The following DCHS2 variants were observed in gnomAD, a reference collection of about 807,000 sequenced individuals.
DCHS2 encodes the protein dachsous cadherin-related 2, also known as protocadherin-23.
DCHS2 carries 142 observed loss-of-function variants against 182.4 expected under a neutral mutation model. The ratio of observed to expected loss-of-function variants is 0.78; its 90% confidence interval spans 0.68 to 0.89. DCHS2 has a LOEUF of 0.89. DCHS2 is among the 40% of genes least tolerant of loss of function. The pLI, the probability that DCHS2 is intolerant of heterozygous loss-of-function variation, is 0.00. For missense variants in DCHS2, 4,319 were observed against 4,198.6 expected, an observed-to-expected ratio of 1.03 and a Z score of -0.79; for synonymous variants, 1,740 against 1,663.3, an observed-to-expected ratio of 1.05 and a Z score of -1.12.
At chr4:154,484,434 G>T (rs149396876) in intron 1 of DCHS2, among the ~76,000 whole-genome samples, 1 of 151,984 alleles carries the variant, frequency 6.6e-6, no homozygotes, top group South Asian at 2.1e-4. Context: ...CAAGCTCTGC[G>T]CAAACACTGA....
chr4:154,295,909 T>C (rs1365657429), intron 13 of DCHS2, among the ~76,000 whole-genome samples: 1 of 151,930 alleles, frequency 6.6e-6, no homozygotes, highest in Non-Finnish European at 1.5e-5. Context: ...GGAAGAAGGG[T>C]TTTTCCTTCA....
chr4:154,435,501 C>T lies in DCHS2; in HGVS notation c.2052+53803G>A, dbSNP rs190230709. Among the ~76,000 whole-genome samples the T allele has an allele frequency of 9.2e-4, 140 of 151,602 alleles. 1 individual carries two copies. The highest frequency in any genetic ancestry group is 1.7e-3 in the Admixed American group (26 of 15,210). ...GTCCCAGCTACTCGGGAGGCTGAGG[C>T]AGGAGAATGGTGTGAACCCGGGAGG... On this transcript the variant is annotated intron_variant, in intron 1 of 19. Coordinates refer to ENST00000357232, the MANE Select transcript of DCHS2 (RefSeq NM_001358235.2).
Position 154,416,021 on chromosome 4 carries a change from T to C in DCHS2, c.2053-38577A>G, listed in dbSNP as rs935608755. 2.0e-5 allele frequency among the ~76,000 whole-genome samples: 3 copies of C among 152,246 alleles called. No homozygotes were observed. The South Asian group carries it at 6.2e-4, about 32-fold the overall frequency. ...CTGTATACAAAATTCTTGCACGTGGTTTATAAGGAAATAAACATATACTGG... is the reference window on the plus strand; with the variant it reads ...CTGTATACAAAATTCTTGCACGTGGCTTATAAGGAAATAAACATATACTGG... On this transcript the variant is annotated intron_variant, in intron 1 of 19. Transcript: ENST00000357232.
rs765655550 is a variant in DCHS2, at chr4:154,320,832, C to T, written c.4567G>A (p.Val1523Ile). The T allele has an allele frequency of 1.5e-5, 25 of 1,613,954 alleles. No homozygotes were observed. In the Admixed American group the frequency reaches 2.8e-4, roughly 18 times the overall value. ...ELIVISVEEN[V>I]PIGTLVYVFN... ...ACATACACCAGGGTTCCTATGGGAA[C>T]ATTCTCCTCTACACTGATCACAATG... Residue 1523 changes from valine to isoleucine, a missense_variant, in exon 9 of 20, where the codon GTT becomes ATT. Val to Ile is a conservative substitution (Grantham distance 29, BLOSUM62 3). Transcript: ENST00000357232.
intron 3 of DCHS2, among the ~76,000 whole-genome samples, chr4:154,359,567 A>G (rs1336829368): frequency 1.3e-5 from 2 of 152,034 alleles, no homozygotes; most frequent in African/African-American, 2.4e-5. Context: ...GATACAAACC[A>G]AAAGCTACAG....
At chr4:154,280,139 C>A (rs1734063391) in intron 13 of DCHS2, among the ~76,000 whole-genome samples, 1 of 151,908 alleles carries the variant, frequency 6.6e-6, no homozygotes. Context: ...GAAATGGATA[C>A]ATTTCTGGAA....
intron 3 of DCHS2, among the ~76,000 whole-genome samples, chr4:154,341,700 A>T (rs1291172526): frequency 2.0e-5 from 3 of 152,134 alleles, no homozygotes; most frequent in Non-Finnish European, 1.5e-5. Flanking sequence ...TGTGTGAACA[A>T]AAAACCTGTC....
intron 1 of DCHS2, among the ~76,000 whole-genome samples, chr4:154,441,774 T>C (rs1005748999): frequency 2.0e-5 from 3 of 152,156 alleles, no homozygotes; most frequent in Non-Finnish European, 4.4e-5. Context: ...ATAAAGCACT[T>C]CTTGTTTTAT....
In DCHS2 at chr4:154,337,921, AG is replaced by A. The variant is rs564133205; in HGVS notation, c.2477-2818del. Among the ~76,000 whole-genome samples the A allele has an allele frequency of 6.1e-4, 93 of 152,084 alleles. 1 individual carries two copies. Among genetic ancestry groups the A allele is most frequent in the Admixed American group, 6.0e-3 (92 of 15,258 alleles). On this transcript the variant is annotated intron_variant, in intron 3 of 19. Transcript: ENST00000357232. ...ATGCCCGGCTAATTTTTGTATCTTT[AG>A]TAGAGCCAGGGTTTCACCATGTTGG...
rs748710721 is a variant in DCHS2, at chr4:154,235,438, A to G, written c.9214T>C (p.Leu3072=). 74 of 1,614,080 alleles carry G rather than the reference A, an allele frequency of 4.6e-5. No individual in the cohort carries two copies. The South Asian group carries it at 7.5e-4, about 16-fold the overall frequency. Residue 3072 remains leucine (L), a synonymous_variant, in exon 20 of 20, where the codon TTG becomes CTG. Transcript: ENST00000357232. ...TTCTCCATGATACTTATTAAACTCA[A>G]CCATTCCGGAGTGGCATCCACAGGG... ...VVPVDATPEW[L]SLISIMEKDI...
chr4:154,321,267 A>C (rs766055426), intron 8 of DCHS2, 45 bp from the exon 9 acceptor site: 2 of 1,435,988 alleles, frequency 1.4e-6, no homozygotes, highest in Admixed American at 5.0e-5. Flanking sequence ...TATTTTTAAA[A>C]CAGTTTAATG....
intron 3 of DCHS2, among the ~76,000 whole-genome samples, chr4:154,335,808 A>G (rs948792271): frequency 6.6e-6 from 1 of 152,248 alleles, no homozygotes; most frequent in African/African-American, 2.4e-5. Context: ...ATATTTTCCT[A>G]GAGTTAAAAC....
chr4:154,258,257 G>A (rs2111165057), intron 15 of DCHS2, among the ~76,000 whole-genome samples: 1 of 152,152 alleles, frequency 6.6e-6, no homozygotes, highest in Non-Finnish European at 1.5e-5. Context: ...CCTGGACGGG[G>A]TGTAGGGGCA....
At chr4:154,306,974 T>A (rs372656375) in intron 10 of DCHS2, among the ~76,000 whole-genome samples, 1 of 152,174 alleles carries the variant, frequency 6.6e-6, no homozygotes, top group African/African-American at 2.4e-5. Context: ...CTATACAGGT[T>A]TTTTATCCCT....
chr4:154,490,589 C>T lies in DCHS2; in HGVS notation c.767G>A (p.Arg256Gln), dbSNP rs1728784118. 2 of 1,545,920 alleles carry T rather than the reference C, an allele frequency of 1.3e-6. No homozygotes were observed. Among genetic ancestry groups the T allele is most frequent in the Non-Finnish European group, 1.7e-6 (2 of 1,146,274 alleles). Residue 256 changes from arginine to glutamine, a missense_variant, in exon 1 of 20, where the codon CGA becomes CAA. Physicochemically the swap from Arg to Gln is conservative, Grantham distance 43. Coordinates refer to ENST00000357232, the MANE Select transcript of DCHS2 (RefSeq NM_001358235.2). ...LDLVLLRRLD[R>Q]EEAAAHRLQI... ...CAGCCGGTGCGCCGCCGCCTCCTCT[C>T]GGTCCAAGCGCCGCAGCAGCACCAG...
intron 1 of DCHS2, among the ~76,000 whole-genome samples, chr4:154,391,838 T>A (rs760175899): frequency 6.6e-6 from 1 of 152,182 alleles, no homozygotes; most frequent in Non-Finnish European, 1.5e-5. Context: ...TGCTGAAAGC[T>A]AAAGCTCAAT....
chr4:154,365,103 A>G (rs941043007), intron 3 of DCHS2, among the ~76,000 whole-genome samples: 8 of 152,300 alleles, frequency 5.3e-5, no homozygotes, highest in Middle Eastern at 3.4e-3. Context: ...CATGATTTCT[A>G]AAAGACAGCT....
rs193132674 is a variant in DCHS2 at position 154,301,599 on chromosome 4, G to A, written c.5606-2891C>T. 5.9e-3 allele frequency among the ~76,000 whole-genome samples: 890 copies of A among 152,120 alleles called. 5 individuals are homozygous for A. The highest frequency in any genetic ancestry group is 0.021 in the African/African-American group (855 of 41,510). On this transcript the variant is annotated intron_variant, in intron 12 of 19. Coordinates refer to ENST00000357232, the MANE Select transcript of DCHS2 (RefSeq NM_001358235.2). Reference sequence around the variant, plus strand: ...CAGCTCACCTCAACCTCTGCCTACCGGGTTCAAGCGATTCTCCTGCCTCAG... The same window carrying A: ...CAGCTCACCTCAACCTCTGCCTACCAGGTTCAAGCGATTCTCCTGCCTCAG...
chr4:154,332,521 G>A lies in DCHS2; in HGVS notation c.3687C>T (p.Phe1229=). The A allele has an allele frequency of 6.2e-7, 1 of 1,613,954 alleles. No individual in the cohort carries two copies. The highest frequency in any genetic ancestry group is 8.5e-7 in the Non-Finnish European group (1 of 1,179,914). ...DSGKNGQLLY[F]LLSDGKFFKM... ...TGAAGAATTTTCCATCAGACAAAAG[G>A]AAATATAATAGCTGTCCATTCTTTC... The change falls in exon 5 of 20, where the codon TTC becomes TTT. Residue 1229 remains phenylalanine, a synonymous_variant. Coordinates refer to ENST00000357232, the MANE Select transcript of DCHS2 (RefSeq NM_001358235.2).
Sources: allele counts gnomAD v4.1 joint callset (sites outside exome capture counted in the v4.1 genomes callset), GRCh38; gene constraint gnomAD v4.1.1; transcripts MANE v1.5; gene names NCBI Gene and HGNC (gene_info 2026-07-23, HGNC 2026-07-21).